The following AGBL4 variants were observed in gnomAD, a reference collection of about 807,000 sequenced individuals.
AGBL4 encodes the protein AGBL carboxypeptidase 4.
Under a neutral mutation model 66.4 loss-of-function variants are expected in AGBL4, and 58 were observed. That is an observed-to-expected ratio of 0.87 (90% CI 0.71 to 1.09). AGBL4 has a LOEUF of 1.09. AGBL4 is among the 50% of genes least tolerant of loss of function. The pLI is 0.00. For synonymous variants in AGBL4, 234 were observed against 222.9 expected (o/e 1.05, Z -0.44); for missense variants, 579 against 631.0 (o/e 0.92, Z 0.88).
intron 6 of AGBL4, among the ~76,000 whole-genome samples, chr1:48,720,858 A>T (rs1355087329): frequency 6.6e-6 from 1 of 152,094 alleles, no homozygotes; most frequent in Non-Finnish European, 1.5e-5. Flanking sequence ...GGATGGAAGA[A>T]GATTTGGAAA....
chr1:49,036,072 A>G (rs1354262793), intron 5 of AGBL4, among the ~76,000 whole-genome samples: 1 of 152,004 alleles, frequency 6.6e-6, no homozygotes, highest in East Asian at 1.9e-4. Flanking sequence ...ATCATGCAAT[A>G]TACCCAGGGA....
chr1:48,746,788 C>T (rs951453738), intron 6 of AGBL4, among the ~76,000 whole-genome samples: 19 of 152,246 alleles, frequency 1.2e-4, no homozygotes, highest in African/African-American at 4.3e-4. Context: ...ACCATGCAGG[C>T]TGCTGACGTC....
intron 3 of AGBL4, among the ~76,000 whole-genome samples, chr1:49,261,345 A>G (rs1228556856): frequency 1.3e-5 from 2 of 152,310 alleles, no homozygotes; most frequent in African/African-American, 2.4e-5. Context: ...AGGGTATTCA[A>G]TTAGGAAAAG....
chr1:49,423,217 A>G (rs1645582670), intron 3 of AGBL4: 1 of 152,224 alleles, frequency 6.6e-6, no homozygotes, highest in South Asian at 2.1e-4. Context: ...CAACTAATAC[A>G]ATAATCAAAT....
intron 9 of AGBL4, among the ~76,000 whole-genome samples, chr1:48,616,697 T>C (rs955019353): frequency 4.6e-5 from 7 of 152,236 alleles, no homozygotes; most frequent in African/African-American, 1.7e-4. Flanking sequence ...CTGTCCCTAG[T>C]AATTACTGTC....
intron 5 of AGBL4, among the ~76,000 whole-genome samples, chr1:48,940,993 C>A (rs536770901): frequency 1.3e-5 from 2 of 151,780 alleles, no homozygotes; most frequent in Non-Finnish European, 2.9e-5. Context: ...AGTGGGCAGG[C>A]AGAGAAAGGG....
chr1:48,924,557 T>C (rs1029773556), intron 5 of AGBL4, among the ~76,000 whole-genome samples: 1 of 152,194 alleles, frequency 6.6e-6, no homozygotes, highest in Non-Finnish European at 1.5e-5. Flanking sequence ...GTTTTTCTTT[T>C]GTTTTGCATT....
At chr1:49,313,271 T>A (rs1179646223) in intron 3 of AGBL4, among the ~76,000 whole-genome samples, 1 of 152,170 alleles carries the variant, frequency 6.6e-6, no homozygotes, top group African/African-American at 2.4e-5. Context: ...AACCAGTCTA[T>A]CATTGATGAA....
intron 4 of AGBL4, among the ~76,000 whole-genome samples, chr1:49,048,656 ACTT>A (rs1644139131): frequency 6.6e-6 from 1 of 152,088 alleles, no homozygotes; most frequent in South Asian, 2.1e-4. Context: ...TTTGGGATGT[ACTT>A]CTTATTTTTC....
intron 2 of AGBL4, among the ~76,000 whole-genome samples, chr1:49,731,087 A>C (rs1307855630): frequency 6.6e-6 from 1 of 152,118 alleles, no homozygotes; most frequent in Non-Finnish European, 1.5e-5. Flanking sequence ...TGAAAGACAG[A>C]AAGTGTGAGG....
At chr1:49,558,590 T>C (rs980963940) in intron 3 of AGBL4, among the ~76,000 whole-genome samples, 2 of 152,114 alleles carry the variant, frequency 1.3e-5, no homozygotes, top group Non-Finnish European at 2.9e-5. Context: ...CTGCCTGCTT[T>C]GGCCTCCCAA....
chr1:48,649,074 G>C (rs938674421), intron 8 of AGBL4, among the ~76,000 whole-genome samples: 2 of 152,220 alleles, frequency 1.3e-5, no homozygotes, highest in Middle Eastern at 3.2e-3. Context: ...TATATATCAA[G>C]AGCCCATTTG....
At chr1:48,608,738 G>A (rs146816613) in intron 9 of AGBL4, among the ~76,000 whole-genome samples, 4 of 152,098 alleles carry the variant, frequency 2.6e-5, no homozygotes, top group African/African-American at 9.6e-5. Context: ...TAGAAGGCTG[G>A]TATTGTTTCT....
rs759511932 is a variant in AGBL4, at chr1:49,697,444, AT to A, written c.158-8del. On this transcript the variant is annotated splice_region_variant and splice_polypyrimidine_tract_variant and intron_variant, in intron 2 of 13. Coordinates refer to ENST00000371839, the MANE Select transcript of AGBL4 (RefSeq NM_032785.4). ...TCCACCCGGCCCAGGTTACCTGGTA[AT>A]AAAAATTAAGAGAATTGGATTTTAA... 63 of 1,499,860 alleles carry A rather than the reference AT, an allele frequency of 4.2e-5. No homozygotes were observed. The African/African-American group carries it at 8.2e-4, about 19-fold the overall frequency. 92.9% of individuals were successfully genotyped at this position (1,499,860 alleles called of 1,614,324 possible).
intron 3 of AGBL4, among the ~76,000 whole-genome samples, chr1:49,507,734 C>T (rs1648827140): frequency 6.6e-6 from 1 of 151,722 alleles, no homozygotes; most frequent in Non-Finnish European, 1.5e-5. Context: ...AATTTAATAA[C>T]TCTCACAGCT....
intron 2 of AGBL4, among the ~76,000 whole-genome samples, chr1:49,749,464 C>A (rs1034029394): frequency 6.6e-6 from 1 of 152,102 alleles, no homozygotes; most frequent in South Asian, 2.1e-4. Flanking sequence ...TCCTTATTAA[C>A]AGATTATAGT....
intron 6 of AGBL4, among the ~76,000 whole-genome samples, chr1:48,715,996 C>T (rs950129016): frequency 1.2e-4 from 18 of 152,140 alleles, no homozygotes; most frequent in African/African-American, 4.3e-4. Context: ...AACGGGATAA[C>T]AGGGCCAAGG....
At chr1:48,528,516 C>T (rs1009956588), downstream of AGBL4, among the ~76,000 whole-genome samples, 3 of 151,948 alleles carry the variant, frequency 2.0e-5, no homozygotes, top group Non-Finnish European at 4.4e-5. Context: ...GGCTTAGTGT[C>T]GAGGTCTGGG....
intron 6 of AGBL4, among the ~76,000 whole-genome samples, chr1:48,824,365 G>T (rs937225056): frequency 3.3e-5 from 5 of 152,118 alleles, no homozygotes; most frequent in African/African-American, 9.7e-5. Flanking sequence ...TCTAATAAAT[G>T]GGAGTCAGTT....
Sources: gnomAD v4.1 joint callset for allele counts (sites outside exome capture counted in the v4.1 genomes callset) on GRCh38, gnomAD v4.1.1 for gene constraint, MANE v1.5 for transcripts, NCBI Gene and HGNC (gene_info 2026-07-23, HGNC 2026-07-21) for gene names.